The following WHRN variants were observed in gnomAD, a reference collection of about 807,000 sequenced individuals.
WHRN encodes the protein CASK-interacting protein CIP98.
WHRN carries 41 observed loss-of-function variants against 68.3 expected under a neutral mutation model. That is an observed-to-expected ratio of 0.60 (90% CI 0.47 to 0.78). WHRN has a LOEUF of 0.78. Ranked by LOEUF, WHRN falls within the 30% of genes least tolerant of loss-of-function variation. WHRN has a pLI of 0.00. For synonymous variants in WHRN, 560 were observed against 561.3 expected (o/e 1.00, Z 0.03); for missense variants, 1,243 against 1,244.7 (o/e 1.00, Z 0.02).
In WHRN at chr9:114,499,592, G is replaced by A. The variant is rs117334329; in HGVS notation, c.618+4592C>T. On this transcript the variant is annotated intron_variant, in intron 1 of 11. Transcript: ENST00000362057. ...CTAATCCCCTATGGACGCCTGCTTC[G>A]GTGCAAAGCCCTTTGCAGGATGGAG... Among the ~76,000 whole-genome samples the A allele has an allele frequency of 5.7e-3, 874 of 152,292 alleles. 3 individuals are homozygous for A. The highest frequency in any genetic ancestry group is 8.6e-3 in the Non-Finnish European group (586 of 68,022).
chr9:114,408,822 G>A (rs1293594561), intron 7 of WHRN, among the ~76,000 whole-genome samples: 4 of 152,224 alleles, frequency 2.6e-5, no homozygotes, highest in Non-Finnish European at 5.9e-5. Context: ...ATCAGCATAT[G>A]AATGGGTGGA....
At chr9:114,433,005 T>G (rs1837548399) in intron 3 of WHRN, among the ~76,000 whole-genome samples, 1 of 152,050 alleles carries the variant, frequency 6.6e-6, no homozygotes, top group Admixed American at 6.5e-5. Flanking sequence ...CCCATGAAAC[T>G]CATATTTTAA....
rs1017129796 is a variant in WHRN at position 114,482,995 on chromosome 9, G to A, written c.619-4224C>T. 5.3e-5 allele frequency among the ~76,000 whole-genome samples: 8 copies of A among 152,306 alleles called. No individual in the cohort carries two copies. The East Asian group carries it at 1.5e-3, about 29-fold the overall frequency. ...AACAGGCACAGCCCAGGACGCAGGA[G>A]GCCAGCCCTGGGTCTCCTTCCCCTC... On this transcript the variant is annotated intron_variant, in intron 1 of 11. Coordinates refer to ENST00000362057, the MANE Select transcript of WHRN (RefSeq NM_015404.4).
intron 9 of WHRN, 30 bp from the exon 10 acceptor site, chr9:114,404,107 G>T: frequency 6.2e-7 from 1 of 1,605,744 alleles, no homozygotes; most frequent in Non-Finnish European, 8.5e-7. Context: ...GAGAGAAGCA[G>T]CTTATATAGC....
intron 3 of WHRN, among the ~76,000 whole-genome samples, chr9:114,441,168 G>T (rs1454811447): frequency 3.9e-5 from 6 of 152,082 alleles, no homozygotes; most frequent in Non-Finnish European, 8.8e-5. Flanking sequence ...TAGCTTTATT[G>T]TAAGAATATG....
At chr9:114,447,377 G>A (rs930444916) in intron 3 of WHRN, among the ~76,000 whole-genome samples, 10 of 152,184 alleles carry the variant, frequency 6.6e-5, no homozygotes, top group African/African-American at 2.4e-4. Flanking sequence ...AACAAGGGAT[G>A]AGCACCCTTA....
At chr9:114,503,240 G>A (rs1844087875) in intron 1 of WHRN, 6 of 968,630 alleles carry the variant, frequency 6.2e-6, no homozygotes, top group Non-Finnish European at 6.1e-6. Flanking sequence ...GGGGTTTACA[G>A]AACAGTCCAA....
intron 1 of WHRN, among the ~76,000 whole-genome samples, chr9:114,499,421 A>G (rs1432429846): frequency 1.3e-5 from 2 of 152,208 alleles, no homozygotes; most frequent in African/African-American, 4.8e-5. Flanking sequence ...TTCAACCTCC[A>G]GATACCTCCA....
At chr9:114,450,832 C>CA (rs1348949272) in intron 3 of WHRN, among the ~76,000 whole-genome samples, 1 of 148,360 alleles carries the variant, frequency 6.7e-6, no homozygotes, top group Non-Finnish European at 1.5e-5. Context: ...AGTTTCCCCC[C>CA]CCGCAAAAAA....
At chr9:114,467,156 TG>T (rs901245062) in intron 2 of WHRN, among the ~76,000 whole-genome samples, 3 of 151,406 alleles carry the variant, frequency 2.0e-5, no homozygotes, top group African/African-American at 4.9e-5. Context: ...TCCTATCACC[TG>T]GGGGGGTCTA....
intron 3 of WHRN, among the ~76,000 whole-genome samples, chr9:114,428,164 C>T (rs748587467): frequency 2.6e-5 from 4 of 152,104 alleles, no homozygotes; most frequent in Non-Finnish European, 5.9e-5. Flanking sequence ...GCTGTCTCTA[C>T]TAAAAGTACA....
chr9:114,425,293 G>A (rs1026841508), intron 4 of WHRN: 74 of 628,192 alleles, frequency 1.2e-4, no homozygotes, highest in Middle Eastern at 8.3e-4. Context: ...AACCCCGCAG[G>A]ACCAGGCAGG....
At chr9:114,404,209 A>C in intron 9 of WHRN, 132 bp from the exon 10 acceptor site, 1 of 1,025,226 alleles carries the variant, frequency 9.8e-7, no homozygotes, top group Non-Finnish European at 1.5e-6. Flanking sequence ...GAAGGAATGA[A>C]GAGATCGTGG....
intron 2 of WHRN, among the ~76,000 whole-genome samples, chr9:114,467,585 C>T (rs1222831039): frequency 2.6e-5 from 4 of 152,104 alleles, no homozygotes; most frequent in Admixed American, 2.0e-4. Flanking sequence ...AGAGCAAGTC[C>T]CGCCCGGGAG....
At chr9:114,421,144 TA>T (rs961011481) in intron 7 of WHRN, among the ~76,000 whole-genome samples, 16 of 152,204 alleles carry the variant, frequency 1.1e-4, no homozygotes, top group Non-Finnish European at 2.4e-4. Context: ...ACTCCCTGTA[TA>T]AAACCACCCT....
intron 3 of WHRN, among the ~76,000 whole-genome samples, chr9:114,438,049 T>TA (rs1200055611): frequency 1.1e-4 from 17 of 152,040 alleles, no homozygotes; most frequent in Admixed American, 3.3e-4. Flanking sequence ...GCCTGGGGAA[T>TA]ATGGTGAAAC....
intron 7 of WHRN, among the ~76,000 whole-genome samples, chr9:114,419,678 A>G (rs899610363): frequency 1.3e-5 from 2 of 152,224 alleles, no homozygotes; most frequent in Non-Finnish European, 2.9e-5. Context: ...AAGTGGGGAG[A>G]AGAACATTCC....
At chr9:114,487,376 TA>T (rs34177903) in intron 1 of WHRN, among the ~76,000 whole-genome samples, 15,712 of 151,942 alleles carry the variant, frequency 0.1, 1,012 homozygotes, top group East Asian at 0.35. Flanking sequence ...ATCATCTGAT[TA>T]CATAAATCAA....
At chr9:114,433,938 T>G (rs1447188573) in intron 3 of WHRN, among the ~76,000 whole-genome samples, 1 of 152,206 alleles carries the variant, frequency 6.6e-6, no homozygotes. Context: ...ACCTGCTTAC[T>G]CTATTCACCA....
Sources: gnomAD v4.1 joint callset for allele counts (sites outside exome capture counted in the v4.1 genomes callset) on GRCh38, gnomAD v4.1.1 for gene constraint, MANE v1.5 for transcripts, NCBI Gene and HGNC (gene_info 2026-07-23, HGNC 2026-07-21) for gene names.